Variants in KCNJ6 observed in about 807,000 individuals in gnomAD.
KCNJ6 encodes the protein G protein-activated inward rectifier potassium channel 2.
Under a neutral mutation model 34.2 loss-of-function variants are expected in KCNJ6, and 9 were observed. The ratio of observed to expected loss-of-function variants is 0.26; its 90% confidence interval spans 0.16 to 0.46. The LOEUF is 0.46. Ranked by LOEUF, KCNJ6 falls within the 20% of genes least tolerant of loss-of-function variation. The pLI is 1.00. For missense variants in KCNJ6, 236 were observed against 531.3 expected (o/e 0.44, Z 5.46); for synonymous variants, 196 against 207.1 (o/e 0.95, Z 0.46).
At chr21:37,762,177 T>G (rs2055068639) in intron 2 of KCNJ6, among the ~76,000 whole-genome samples, 1 of 152,126 alleles carries the variant, frequency 6.6e-6, no homozygotes, top group South Asian at 2.1e-4. Flanking sequence ...TCCTTTCTCA[T>G]TAGTAGACAG....
At chr21:37,904,463 T>G (rs1454698400) in intron 1 of KCNJ6, among the ~76,000 whole-genome samples, 2 of 152,240 alleles carry the variant, frequency 1.3e-5, no homozygotes. Flanking sequence ...CATTTTTTTT[T>G]GGTATCACTT....
At chr21:37,638,177 C>T (rs766527606) in intron 3 of KCNJ6, among the ~76,000 whole-genome samples, 7 of 152,174 alleles carry the variant, frequency 4.6e-5, no homozygotes, top group East Asian at 3.9e-4. Flanking sequence ...GATGGAGTCT[C>T]GCTCTGTTGC....
chr21:37,721,954 A>C (rs1009366253), intron 2 of KCNJ6, among the ~76,000 whole-genome samples: 1 of 151,238 alleles, frequency 6.6e-6, no homozygotes, highest in African/African-American at 2.4e-5. Context: ...CAGAGCAATC[A>C]GGCAAGGGAA....
intron 3 of KCNJ6, among the ~76,000 whole-genome samples, chr21:37,664,579 TAAAC>T (rs757163126): frequency 1.8e-4 from 27 of 152,024 alleles, no homozygotes; most frequent in Non-Finnish European, 2.6e-4. Flanking sequence ...TTATATGAAA[TAAAC>T]AAAGATCTAA....
At chr21:37,903,293 G>C (rs528429356) in intron 1 of KCNJ6, among the ~76,000 whole-genome samples, 4 of 152,226 alleles carry the variant, frequency 2.6e-5, no homozygotes, top group African/African-American at 9.6e-5. Context: ...AGATCTGATG[G>C]TTTTATAAAG....
At chr21:37,809,426 A>T (rs551329839) in intron 2 of KCNJ6, among the ~76,000 whole-genome samples, 2 of 151,994 alleles carry the variant, frequency 1.3e-5, no homozygotes, top group Admixed American at 6.6e-5. Flanking sequence ...CCTAATGCTA[A>T]ATGACGAGTT....
rs558638685 is a variant in KCNJ6, at chr21:37,625,228, T to C, written c.1203A>G (p.Glu401=). 1.1e-5 allele frequency: 18 copies of C among 1,614,244 alleles called. No individual in the cohort carries two copies. In the South Asian group the frequency reaches 1.3e-4, roughly 12 times the overall value. The change falls in exon 4 of 4, where the codon GAA becomes GAG. Residue 401 remains glutamate, a synonymous_variant. Coordinates refer to ENST00000609713, the MANE Select transcript of KCNJ6 (RefSeq NM_002240.5). ...TTTCTGTTTGCTCTTCGAGGTTCTT[T>C]TCTTCCTCTTCAGTCTCCAGTTCTG... ...QHAELETEEE[E]KNLEEQTERN...
At chr21:37,698,860 C>A (rs2054676144) in intron 3 of KCNJ6, among the ~76,000 whole-genome samples, 1 of 152,086 alleles carries the variant, frequency 6.6e-6, no homozygotes. Flanking sequence ...CCACGCTTGG[C>A]TAATTTTTTT....
intron 2 of KCNJ6, among the ~76,000 whole-genome samples, chr21:37,726,043 C>T (rs2054852775): frequency 6.6e-6 from 1 of 152,118 alleles, no homozygotes; most frequent in Non-Finnish European, 1.5e-5. Flanking sequence ...GTAGCTGGGA[C>T]TACAGGTGCA....
intron 3 of KCNJ6, among the ~76,000 whole-genome samples, chr21:37,698,024 G>A (rs937282781): frequency 6.6e-6 from 1 of 152,164 alleles, no homozygotes; most frequent in South Asian, 2.1e-4. Flanking sequence ...GACAGAGCAA[G>A]CCCAAAAGGA....
chr21:37,813,873 C>T (rs2055334086), intron 2 of KCNJ6, among the ~76,000 whole-genome samples: 1 of 152,140 alleles, frequency 6.6e-6, no homozygotes, highest in South Asian at 2.1e-4. Flanking sequence ...ACCCTACAAG[C>T]ATGGGCAACC....
At chr21:37,711,417 C>T (rs955184823) in intron 3 of KCNJ6, among the ~76,000 whole-genome samples, 2 of 152,190 alleles carry the variant, frequency 1.3e-5, no homozygotes, top group African/African-American at 4.8e-5. Context: ...CTGAGCACAG[C>T]AGGTTAAGGT....
At chr21:37,633,970 G>A (rs2054345472) in intron 3 of KCNJ6, among the ~76,000 whole-genome samples, 1 of 152,006 alleles carries the variant, frequency 6.6e-6, no homozygotes, top group Admixed American at 6.6e-5. Context: ...TACACCATGA[G>A]GAAGTACAAA....
chr21:37,627,341 C>T (rs753102318), intron 3 of KCNJ6, among the ~76,000 whole-genome samples: 1 of 152,100 alleles, frequency 6.6e-6, no homozygotes, highest in African/African-American at 2.4e-5. Flanking sequence ...ACAAACATTG[C>T]AGGGCTTTTA....
intron 2 of KCNJ6, among the ~76,000 whole-genome samples, chr21:37,831,143 C>A (rs2055424018): frequency 6.6e-6 from 1 of 152,228 alleles, no homozygotes; most frequent in African/African-American, 2.4e-5. Context: ...CTGATTCCAA[C>A]TGAACATGCC....
intron 2 of KCNJ6, among the ~76,000 whole-genome samples, chr21:37,815,535 CG>C (rs1444982655): frequency 6.6e-6 from 1 of 152,264 alleles, no homozygotes; most frequent in East Asian, 1.9e-4. Context: ...ACAAGTGACT[CG>C]GGGCAGGTAG....
intron 3 of KCNJ6, among the ~76,000 whole-genome samples, chr21:37,709,227 G>A (rs1431478230): frequency 6.6e-6 from 1 of 152,196 alleles, no homozygotes; most frequent in Admixed American, 6.5e-5. Context: ...AATATCAGTT[G>A]TTGACTGGGC....
chr21:37,723,250 G>A (rs908598588), intron 2 of KCNJ6, among the ~76,000 whole-genome samples: 8 of 152,144 alleles, frequency 5.3e-5, no homozygotes, highest in African/African-American at 1.7e-4. Context: ...AGTCAGAATG[G>A]CTATTATTAA....
intron 3 of KCNJ6, among the ~76,000 whole-genome samples, chr21:37,711,711 T>C (rs1461970053): frequency 6.6e-6 from 1 of 152,106 alleles, no homozygotes; most frequent in Non-Finnish European, 1.5e-5. Context: ...AGAGAGCAGC[T>C]GTGCTGGGGG....
Sources: gnomAD v4.1 joint callset for allele counts (sites outside exome capture counted in the v4.1 genomes callset) on GRCh38, gnomAD v4.1.1 for gene constraint, MANE v1.5 for transcripts, NCBI Gene and HGNC (gene_info 2026-07-23, HGNC 2026-07-21) for gene names.